Variants in PLEKHG1 observed in about 807,000 individuals in gnomAD.
The protein encoded by PLEKHG1 is pleckstrin homology domain-containing family G member 1.
In PLEKHG1, 44 loss-of-function variants were observed where a neutral mutation model predicts 100.8. The observed-to-expected ratio is 0.44, with a 90% CI of 0.34 to 0.56. PLEKHG1 has a LOEUF of 0.56. Among genes scored for constraint, PLEKHG1 ranks in the 20% least tolerant of loss-of-function variants. PLEKHG1 has a pLI of 0.01. For missense variants in PLEKHG1, 1,545 were observed against 1,720.9 expected (o/e 0.90, Z 1.81); for synonymous variants, 640 against 662.5 (o/e 0.97, Z 0.52).
At position 150,831,762 on chromosome 6, in the gene PLEKHG1, T is replaced by TG; in HGVS notation, c.2655dup (p.Arg886AlafsTer10). ...AGCACCCCTGAGCTGAGCCGGGACGTGGGGCGCTCTGTGTCCACGCTGTCC... is the reference window on the plus strand; with the variant it reads ...AGCACCCCTGAGCTGAGCCGGGACGTGGGGGCGCTCTGTGTCCACGCTGTCC... On this transcript the variant is annotated frameshift_variant, in exon 15 of 16. Transcript: ENST00000358517. LOFTEE classifies it high-confidence loss of function. The surrounding 1 kb of genome is among the most constrained non-coding windows in gnomAD (Gnocchi z 4.1). 6.2e-7 allele frequency: 1 copy of TG among 1,613,670 alleles called. No individual in the cohort carries two copies. The highest frequency in any genetic ancestry group is 8.5e-7 in the Non-Finnish European group (1 of 1,179,988).
chr6:150,811,758 G>A (rs1787547227), intron 10 of PLEKHG1, among the ~76,000 whole-genome samples: 1 of 152,146 alleles, frequency 6.6e-6, no homozygotes, highest in South Asian at 2.1e-4. Context: ...AAGGGCAGGA[G>A]CCCCTGGAGG....
chr6:150,777,843 C>A (rs1022679374), intron 3 of PLEKHG1, among the ~76,000 whole-genome samples: 1 of 152,290 alleles, frequency 6.6e-6, no homozygotes, highest in Non-Finnish European at 1.5e-5. Context: ...TGCTGTTGCA[C>A]GTTAGTTACA....
At chr6:150,723,699 A>G (rs1430933591) in intron 1 of PLEKHG1, among the ~76,000 whole-genome samples, 1 of 152,204 alleles carries the variant, frequency 6.6e-6, no homozygotes, top group Non-Finnish European at 1.5e-5. Flanking sequence ...CAGCTGTATC[A>G]TAATAAGGCT....
At chr6:150,621,259 C>T (rs1053301528) in intron 1 of PLEKHG1, among the ~76,000 whole-genome samples, 9 of 152,126 alleles carry the variant, frequency 5.9e-5, no homozygotes, top group African/African-American at 9.7e-5. Context: ...GACTCTGGGG[C>T]TGTTGCTTTG....
chr6:150,809,891 C>CAAAAA (rs201618525), intron 10 of PLEKHG1, among the ~76,000 whole-genome samples, 157 bp downstream of exon 11: 7 of 135,772 alleles, frequency 5.2e-5, no homozygotes, highest in Non-Finnish European at 9.5e-5. Context: ...GAGACTGGGT[C>CAAAAA]AAAAAAAAAA....
chr6:150,620,164 G>A (rs1777236862), intron 1 of PLEKHG1, among the ~76,000 whole-genome samples: 1 of 151,626 alleles, frequency 6.6e-6, no homozygotes, highest in South Asian at 2.1e-4. Flanking sequence ...AACTTTTATT[G>A]TGTTTTTAAT....
chr6:150,671,245 T>C (rs542988719), intron 3 of PLEKHG1, among the ~76,000 whole-genome samples: 70 of 152,192 alleles, frequency 4.6e-4, no homozygotes, highest in Non-Finnish European at 9.6e-4. Flanking sequence ...TTCCTCTGGG[T>C]AAATACCTGG....
intron 1 of PLEKHG1, among the ~76,000 whole-genome samples, chr6:150,728,021 T>C (rs554318501): frequency 6.6e-6 from 1 of 152,370 alleles, no homozygotes; most frequent in African/African-American, 2.4e-5. Flanking sequence ...GAAAATCAGT[T>C]AGCCCAGTAT....
intron 2 of PLEKHG1, among the ~76,000 whole-genome samples, chr6:150,642,144 A>C (rs1455814043): frequency 6.6e-6 from 1 of 152,214 alleles, no homozygotes; most frequent in Non-Finnish European, 1.5e-5. Context: ...TCCCCTTATT[A>C]AATCTATTTG....
chr6:150,628,569 C>CACACACACACACACACACACAA (rs1777605256), intron 1 of PLEKHG1, among the ~76,000 whole-genome samples: 1 of 150,236 alleles, frequency 6.7e-6, no homozygotes, highest in Non-Finnish European at 1.5e-5. Flanking sequence ...CACACACACA[C>CACACACACACACACACACACAA]ACACACACCC....
At chr6:150,631,004 C>T (rs765059348) in intron 1 of PLEKHG1, among the ~76,000 whole-genome samples, 3 of 152,058 alleles carry the variant, frequency 2.0e-5, no homozygotes, top group Admixed American at 6.5e-5. Flanking sequence ...TAAACCGTTT[C>T]GATGGAGTGG....
intron 2 of PLEKHG1, among the ~76,000 whole-genome samples, chr6:150,757,898 C>G (rs771930271): frequency 1.3e-5 from 2 of 152,166 alleles, no homozygotes; most frequent in Non-Finnish European, 2.9e-5. Flanking sequence ...GTTCCCCTCC[C>G]TGTGTCCATG....
rs532459715 is a variant in PLEKHG1, at chr6:150,723,398, C to T, written c.-99+2198C>T. 5.9e-5 allele frequency among the ~76,000 whole-genome samples: 9 copies of T among 152,200 alleles called. No homozygotes were observed. In the South Asian group the frequency reaches 1.7e-3, roughly 28 times the overall value. On this transcript the variant is annotated intron_variant, in intron 1 of 15. Transcript: ENST00000358517. ...ACACATAGCCACACACTGTGTAGTC[C>T]CTTTTGGCATATGGTACCATGTGCT...
At chr6:150,682,848 T>C (rs976494953) in intron 3 of PLEKHG1, among the ~76,000 whole-genome samples, 1 of 152,050 alleles carries the variant, frequency 6.6e-6, no homozygotes, top group African/African-American at 2.4e-5. Context: ...AAGAGAGGCA[T>C]ATGCGGGTTA....
chr6:150,764,360 C>T (rs1784349201), intron 2 of PLEKHG1, among the ~76,000 whole-genome samples: 1 of 152,166 alleles, frequency 6.6e-6, no homozygotes, highest in African/African-American at 2.4e-5. Flanking sequence ...CCTAGATGAT[C>T]CACCTGTGTT....
chr6:150,673,012 T>A (rs1391383353), intron 3 of PLEKHG1, among the ~76,000 whole-genome samples: 1 of 152,234 alleles, frequency 6.6e-6, no homozygotes, highest in East Asian at 1.9e-4. Flanking sequence ...GGTTGCATTA[T>A]ATAAACAAAC....
rs1162434353 is a variant in PLEKHG1, at chr6:150,683,523, G to A, written c.-99+32737G>A. 4.4e-6 allele frequency: 1 copy of A among 227,096 alleles called. No individual in the cohort carries two copies. The highest frequency in any genetic ancestry group is 5.8e-5 in the South Asian group (1 of 17,338). The allele number at this position is 227,096 out of a possible 1,614,324, so 14.1% of individuals were successfully genotyped here. On this transcript the variant is annotated intron_variant, in intron 3 of 3. Transcript: ENST00000367326. The surrounding 1 kb of genome is among the most constrained non-coding windows in gnomAD (Gnocchi z 4.0). ...ACGTGTGTGTGTGTGGAAGGGTGGC[G>A]CTGACCTCCCAGACAGGACATTACC...
chr6:150,752,580 T>C (rs1419042583), intron 2 of PLEKHG1, among the ~76,000 whole-genome samples: 1 of 152,212 alleles, frequency 6.6e-6, no homozygotes, highest in Non-Finnish European at 1.5e-5. Flanking sequence ...ACTCAGCATG[T>C]TTCCAAGGTT....
intron 2 of PLEKHG1, among the ~76,000 whole-genome samples, chr6:150,640,820 G>A (rs994840206): frequency 3.3e-5 from 5 of 152,130 alleles, no homozygotes; most frequent in African/African-American, 7.2e-5. Flanking sequence ...GCTGGGCATC[G>A]GGCATGCTGT....
Sources: gnomAD v4.1 joint callset for allele counts (sites outside exome capture counted in the v4.1 genomes callset) on GRCh38, gnomAD v4.1.1 for gene constraint, Gnocchi (gnomAD v3.1) non-coding constraint, MANE v1.5 for transcripts, NCBI Gene and HGNC (gene_info 2026-07-23, HGNC 2026-07-21) for gene names.